ANKRD31: variants seen among roughly 807,000 people sequenced by gnomAD.
The protein encoded by ANKRD31 is ankyrin repeat domain-containing protein 31.
A neutral mutation model predicts 186.0 loss-of-function variants in ANKRD31; 147 were observed. That is an observed-to-expected ratio of 0.79 (90% CI 0.69 to 0.91). The LOEUF (loss-of-function observed/expected upper bound fraction) is 0.91. Ranked by LOEUF, ANKRD31 falls within the 40% of genes least tolerant of loss-of-function variation. The probability of loss-of-function intolerance (pLI) is 0.00; values close to 1 mark genes in which losing one functional copy is unlikely to be tolerated. For missense variants in ANKRD31, 1,986 were observed against 2,148.8 expected (o/e 0.92, Z 1.50); for synonymous variants, 673 against 736.4 (o/e 0.91, Z 1.39).
At chr5:75,176,776 AT>A (rs1207540497) in intron 10 of ANKRD31, among the ~76,000 whole-genome samples, 1 of 152,180 alleles carries the variant, frequency 6.6e-6, no homozygotes, top group Non-Finnish European at 1.5e-5. Flanking sequence ...AACCACAAAG[AT>A]GGGGAAAAAA....
At chr5:75,183,495 T>C (rs1000677457) in intron 10 of ANKRD31, among the ~76,000 whole-genome samples, 1 of 152,122 alleles carries the variant, frequency 6.6e-6, no homozygotes, top group Non-Finnish European at 1.5e-5. Flanking sequence ...TTGTGGATGA[T>C]ATGGTCTTAT....
chr5:75,181,023 A>G (rs1754244684), intron 10 of ANKRD31, among the ~76,000 whole-genome samples: 1 of 109,812 alleles, frequency 9.1e-6, no homozygotes, highest in Admixed American at 8.1e-5. Flanking sequence ...AATGAACTCA[A>G]ACAAATTTAC....
At chr5:75,085,057 C>G (rs1040868968) in intron 23 of ANKRD31, among the ~76,000 whole-genome samples, 1 of 152,110 alleles carries the variant, frequency 6.6e-6, no homozygotes, top group African/African-American at 2.4e-5. Context: ...TATTAACATA[C>G]CTCCAGAGGT....
intron 15 of ANKRD31, 150 bp from the exon 16 acceptor site, chr5:75,139,133 TATA>T (rs1750823193): frequency 2.1e-6 from 2 of 967,046 alleles, no homozygotes; most frequent in Non-Finnish European, 2.9e-6. Flanking sequence ...TGTTTTAATA[TATA>T]ATTTCTGAAG....
At chr5:75,107,764 G>T in intron 20 of ANKRD31, 147 bp from the exon 21 acceptor site, 1 of 562,360 alleles carries the variant, frequency 1.8e-6, no homozygotes, top group Non-Finnish European at 3.1e-6. Flanking sequence ...TCTCAATTAA[G>T]GCTTATTTAA....
intron 25 of ANKRD31, among the ~76,000 whole-genome samples, chr5:75,079,792 T>C (rs1328827140): frequency 1.3e-5 from 2 of 152,184 alleles, no homozygotes; most frequent in African/African-American, 4.8e-5. Context: ...ATCCCTCTTA[T>C]ATCCCACAAT....
intron 17 of ANKRD31, 73 bp from the exon 18 acceptor site, chr5:75,118,370 C>A (rs1309103457): frequency 8.2e-7 from 1 of 1,223,682 alleles, no homozygotes; most frequent in Non-Finnish European, 1.1e-6. Context: ...TCACAAACAC[C>A]ACTGCCAAGC....
intron 17 of ANKRD31, among the ~76,000 whole-genome samples, chr5:75,136,932 C>T (rs1220620626): frequency 6.6e-6 from 1 of 152,002 alleles, no homozygotes; most frequent in Non-Finnish European, 1.5e-5. Flanking sequence ...CCAAACACCA[C>T]ATGTTCTCAC....
At chr5:75,222,397 T>C in intron 2 of ANKRD31, 39 bp from the exon 3 acceptor site, 1 of 1,422,850 alleles carries the variant, frequency 7.0e-7, no homozygotes, top group African/African-American at 1.4e-5. Context: ...TACAACAGTT[T>C]TATTGCTCTG....
chr5:75,228,555 A>G (rs1018463811), intron 2 of ANKRD31, among the ~76,000 whole-genome samples: 10 of 151,928 alleles, frequency 6.6e-5, no homozygotes, highest in African/African-American at 2.4e-4. Context: ...AAGGAAAAAA[A>G]TGTAGAATAT....
intron 25 of ANKRD31, among the ~76,000 whole-genome samples, chr5:75,076,971 A>T (rs2150005668): frequency 6.6e-6 from 1 of 152,348 alleles, no homozygotes; most frequent in South Asian, 2.1e-4. Flanking sequence ...ATATTGGGAA[A>T]ATATTCTATT....
chr5:75,080,694 G>C (rs1230274158), intron 24 of ANKRD31, 55 bp from the exon 25 acceptor site: 1 of 1,130,852 alleles, frequency 8.8e-7, no homozygotes, highest in Non-Finnish European at 1.2e-6. Context: ...GGACTGCTCT[G>C]GTCAAATCAG....
chr5:75,073,289 T>A (rs1744386363), intron 25 of ANKRD31, among the ~76,000 whole-genome samples: 1 of 149,022 alleles, frequency 6.7e-6, no homozygotes, highest in African/African-American at 2.5e-5. Flanking sequence ...AAAGTAAGAC[T>A]CCATCTCTTA....
At chr5:75,172,616 G>A (rs932464107) in intron 10 of ANKRD31, among the ~76,000 whole-genome samples, 5 of 152,048 alleles carry the variant, frequency 3.3e-5, no homozygotes, top group Admixed American at 6.6e-5. Context: ...ACACCTCTAC[G>A]CAAATCAACT....
At chr5:75,132,861 T>A (rs1338295008) in intron 17 of ANKRD31, among the ~76,000 whole-genome samples, 2 of 152,100 alleles carry the variant, frequency 1.3e-5, no homozygotes, top group African/African-American at 4.8e-5. Context: ...GGGCCAATAT[T>A]CAACATTCTT....
intron 10 of ANKRD31, among the ~76,000 whole-genome samples, chr5:75,179,603 C>A (rs1561509890): frequency 6.6e-6 from 1 of 152,122 alleles, no homozygotes; most frequent in Admixed American, 6.5e-5. Context: ...TAAACGTAAT[C>A]CATCATATAA....
At chr5:75,092,862 G>A (rs1189806242) in intron 22 of ANKRD31, among the ~76,000 whole-genome samples, 1 of 151,898 alleles carries the variant, frequency 6.6e-6, no homozygotes, top group African/African-American at 2.4e-5. Flanking sequence ...CATTAAGTAA[G>A]GAATGATGAC....
intron 17 of ANKRD31, among the ~76,000 whole-genome samples, chr5:75,132,151 T>C (rs61185420): frequency 0.055 from 8,393 of 152,298 alleles, 349 homozygotes; most frequent in South Asian, 0.2. Context: ...GGAGCAAAGA[T>C]GGACAGAGAA....
chr5:75,180,327 T>C (rs367679745), intron 10 of ANKRD31, among the ~76,000 whole-genome samples: 9 of 152,162 alleles, frequency 5.9e-5, no homozygotes, highest in South Asian at 4.2e-4. Context: ...TTTACAGATT[T>C]AATGCCATCC....
Sources: gnomAD v4.1 joint callset for allele counts (sites outside exome capture counted in the v4.1 genomes callset) on GRCh38, gnomAD v4.1.1 for gene constraint, MANE v1.5 for transcripts, NCBI Gene and HGNC (gene_info 2026-07-23, HGNC 2026-07-21) for gene names.